Variants in PROS1 observed in about 807,000 individuals in gnomAD.
PROS1 encodes the protein protein S.
PROS1 carries 29 observed loss-of-function variants against 75.9 expected under a neutral mutation model. The ratio of observed to expected loss-of-function variants is 0.38; its 90% CI spans 0.28 to 0.52. The LOEUF is 0.52. Ranked by LOEUF, PROS1 falls within the 20% of genes least tolerant of loss-of-function variation. PROS1 has a pLI of 0.83. For synonymous variants in PROS1, 245 were observed against 280.6 expected (o/e 0.87, Z 1.27); for missense variants, 680 against 810.3 (o/e 0.84, Z 1.95).
chr3:93,886,549 T>C (rs1553809337), intron 10 of PROS1, 46 bp from the exon 11 acceptor site: 2 of 1,428,876 alleles, frequency 1.4e-6, no homozygotes, highest in South Asian at 2.3e-5. Context: ...TATTACTACA[T>C]GTCATTTGAA....
At chr3:93,898,746 C>T (rs184045014) in intron 7 of PROS1, among the ~76,000 whole-genome samples, 177 bp from the exon 8 acceptor site, 173 of 151,836 alleles carry the variant, frequency 1.1e-3, no homozygotes, top group South Asian at 4.6e-3. Flanking sequence ...GAAATTTAAA[C>T]GAGTTACAAG....
chr3:93,883,178 G>C (rs1708296993), intron 12 of PROS1, among the ~76,000 whole-genome samples: 1 of 152,142 alleles, frequency 6.6e-6, no homozygotes, highest in Non-Finnish European at 1.5e-5. Flanking sequence ...TCTCTGCCAT[G>C]TTAGCAAATG....
chr3:93,938,247 C>T (rs1214176894), intron 1 of PROS1, among the ~76,000 whole-genome samples: 4 of 152,130 alleles, frequency 2.6e-5, no homozygotes, highest in African/African-American at 9.7e-5. Flanking sequence ...TTGTAACCCC[C>T]GCCCCTGCCA....
chr3:93,878,065 C>A (rs1340292781), intron 13 of PROS1, among the ~76,000 whole-genome samples: 1 of 152,000 alleles, frequency 6.6e-6, no homozygotes, highest in Non-Finnish European at 1.5e-5. Context: ...TTGCATAGAC[C>A]TTGAGAAGGA....
intron 2 of PROS1, among the ~76,000 whole-genome samples, chr3:93,925,070 G>T (rs1708997777): frequency 6.6e-6 from 1 of 152,154 alleles, no homozygotes; most frequent in Non-Finnish European, 1.5e-5. Flanking sequence ...CCAAAAGTTT[G>T]TCTGTAAATC....
chr3:93,879,921 C>T (rs1708251312), intron 12 of PROS1, among the ~76,000 whole-genome samples: 1 of 152,116 alleles, frequency 6.6e-6, no homozygotes, highest in African/African-American at 2.4e-5. Flanking sequence ...CATGCAAGCT[C>T]TAGGAGGTAT....
intron 3 of PROS1, among the ~76,000 whole-genome samples, chr3:93,918,653 A>C (rs867516191): frequency 2.0e-5 from 3 of 151,980 alleles, no homozygotes; most frequent in Non-Finnish European, 4.4e-5. Context: ...CCAAGAACCC[A>C]CCAATTCTGG....
chr3:93,916,642 G>A (rs1419147631), intron 3 of PROS1, among the ~76,000 whole-genome samples: 2 of 152,132 alleles, frequency 1.3e-5, no homozygotes, highest in African/African-American at 4.8e-5. Context: ...GAAAGTTGGA[G>A]GGAGATTGTC....
In PROS1 at chr3:93,973,885, C is replaced by A; in HGVS notation, c.-136G>T. 1.6e-6 allele frequency: 1 copy of A among 621,964 alleles called. No individual in the cohort carries two copies. Among genetic ancestry groups the A allele is most frequent in the Non-Finnish European group, 2.4e-6 (1 of 415,326 alleles). 38.5% of individuals were successfully genotyped at this position (621,964 alleles called of 1,614,324 possible). A position where few individuals can be genotyped will look rare whatever the true frequency, so the allele number is the denominator to read the frequency against. On this transcript the variant is annotated 5_prime_UTR_variant, in exon 1 of 15. Coordinates refer to ENST00000394236, the MANE Select transcript of PROS1 (RefSeq NM_000313.4). ...GCGGCGGCGCCAGCGACCCAGCGAG[C>A]CTCGGCGGAACAGCCGGGGGCGGAG...
intron 1 of PROS1, among the ~76,000 whole-genome samples, chr3:93,944,496 G>C (rs1174579673): frequency 6.6e-6 from 1 of 152,152 alleles, no homozygotes; most frequent in Non-Finnish European, 1.5e-5. Flanking sequence ...TCAGGATTAA[G>C]AAACTCACTC....
At chr3:93,897,859 A>T (rs571137256) in intron 8 of PROS1, among the ~76,000 whole-genome samples, 1 of 152,220 alleles carries the variant, frequency 6.6e-6, no homozygotes, top group East Asian at 1.9e-4. Flanking sequence ...TGGGTCAATT[A>T]TGCATTAAAT....
chr3:93,887,084 A>T (rs1708359891), intron 10 of PROS1, among the ~76,000 whole-genome samples: 2 of 150,690 alleles, frequency 1.3e-5, no homozygotes, highest in Admixed American at 6.6e-5. Flanking sequence ...GCGCCCGGCT[A>T]ATTTTTTGTA....
rs533392068 is a variant in PROS1 at position 93,883,365 on chromosome 3, TA to T, written c.1492+1362del. 2.4e-4 allele frequency among the ~76,000 whole-genome samples: 37 copies of T among 151,876 alleles called. No individual in the cohort carries two copies. In the East Asian group the frequency reaches 7.0e-3, roughly 29 times the overall value. On this transcript the variant is annotated intron_variant, in intron 12 of 14. Transcript: ENST00000394236. ...CTGTAATCCCAGCACTTAGAGAGGC[TA>T]AGGCAAGCAGATCACCTGAAGTCAG...
At chr3:93,892,408 T>C (rs1453049884) in intron 10 of PROS1, among the ~76,000 whole-genome samples, 3 of 151,688 alleles carry the variant, frequency 2.0e-5, no homozygotes, top group Admixed American at 6.6e-5. Flanking sequence ...GTGGATCACC[T>C]GAGGTCTGGA....
At chr3:93,882,875 TACACA>T (rs1466643235) in intron 12 of PROS1, among the ~76,000 whole-genome samples, 1 of 152,162 alleles carries the variant, frequency 6.6e-6, no homozygotes, top group Non-Finnish European at 1.5e-5. Flanking sequence ...CGGTCTCCTC[TACACA>T]ACACAAGTTT....
chr3:93,920,875 C>G (rs1248477532), intron 3 of PROS1, among the ~76,000 whole-genome samples: 1 of 151,904 alleles, frequency 6.6e-6, no homozygotes, highest in Non-Finnish European at 1.5e-5. Context: ...CTGACATTAC[C>G]TTATGCATTA....
intron 1 of PROS1, among the ~76,000 whole-genome samples, chr3:93,949,096 C>A (rs186820849): frequency 6.6e-6 from 1 of 152,318 alleles, no homozygotes; most frequent in East Asian, 1.9e-4. Context: ...AACAGGCACT[C>A]ACTAAGCAGG....
intron 1 of PROS1, among the ~76,000 whole-genome samples, chr3:93,951,651 G>A (rs186970874): frequency 3.6e-4 from 55 of 152,274 alleles, no homozygotes; most frequent in African/African-American, 1.2e-3. Context: ...ATGCCAAATC[G>A]TAAACACCAT....
chr3:93,877,024 A>T lies in PROS1; in HGVS notation c.1812T>A (p.Leu604=). ...CTTTCATTGCTTTGTCCAAGACGGC[A>T]AGTTGTCTTTGAAGGTCTTCATGGG... is the stretch of plus-strand genomic sequence containing the variant. The part of the protein sequence containing the change: ...TISHEDLQRQ[L]AVLDKAMKAK... The change falls in exon 14 of 15, where the codon CTT becomes CTA. Residue 604 remains leucine (L), a synonymous_variant. Coordinates refer to ENST00000394236, the MANE Select transcript of PROS1 (RefSeq NM_000313.4). 1 of 1,613,990 alleles carries T rather than the reference A, an allele frequency of 6.2e-7. No individual in the cohort carries two copies. The highest frequency in any genetic ancestry group is 8.5e-7 in the Non-Finnish European group (1 of 1,179,890).
Sources: allele counts gnomAD v4.1 joint callset (sites outside exome capture counted in the v4.1 genomes callset), GRCh38; gene constraint gnomAD v4.1.1; transcripts MANE v1.5; gene names NCBI Gene and HGNC (gene_info 2026-07-23, HGNC 2026-07-21).